The following AHCY variants were observed in gnomAD, a reference collection of about 807,000 sequenced individuals.
AHCY encodes the protein adenosylhomocysteinase.
A neutral mutation model predicts 45.4 loss-of-function variants in AHCY; 24 were observed. The ratio of observed to expected loss-of-function variants is 0.53; its 90% confidence interval spans 0.38 to 0.74. The LOEUF (loss-of-function observed/expected upper bound fraction) is 0.74, where lower values mean the gene tolerates loss of function less well. Ranked by LOEUF, AHCY falls within the 30% of genes least tolerant of loss-of-function variation. The pLI is 0.00. For synonymous variants in AHCY, 245 were observed against 235.1 expected (o/e 1.04, Z -0.39); for missense variants, 449 against 594.1 (o/e 0.76, Z 2.54).
the AHCY span, among the ~76,000 whole-genome samples, chr20:34,245,656 TG>T: frequency 6.6e-6 from 1 of 152,066 alleles, no homozygotes; most frequent in Non-Finnish European, 1.5e-5. Flanking sequence ...CCCAAAGTGC[TG>T]GGATTACAGG....
the AHCY span, chr20:34,260,616 C>T: frequency 7.1e-7 from 1 of 1,409,866 alleles, no homozygotes; most frequent in Non-Finnish European, 9.6e-7. Flanking sequence ...CTACCAGGAT[C>T]CACCGCCATG....
In AHCY at chr20:34,285,538, C is replaced by G. The variant is rs745484709; in HGVS notation, c.1069G>C (p.Val357Leu). ...LGCAMGHPSF[V>L]MSNSFTNQVM... ...TGGTTGGTGAAGGAGTTACTCATCA[C>G]GAAGCTGGGGTGGCCCATGGCACAA... The change falls in exon 9 of 10, where the codon GTG becomes CTG. Residue 357 changes from valine (V) to leucine (L), a missense_variant. By Grantham distance (32) the Val-to-Leu change is conservative (BLOSUM62 1). Coordinates refer to ENST00000217426, the MANE Select transcript of AHCY (RefSeq NM_000687.4). 6.2e-7 allele frequency: 1 copy of G among 1,614,186 alleles called. No individual in the cohort carries two copies. The highest frequency in any genetic ancestry group is 8.5e-7 in the Non-Finnish European group (1 of 1,180,016).
upstream of AHCY, among the ~76,000 whole-genome samples, chr20:34,304,212 G>A (rs2036866265): frequency 6.6e-6 from 1 of 152,056 alleles, no homozygotes; most frequent in Admixed American, 6.5e-5. Flanking sequence ...TTTTTTCTGT[G>A]AGCATTATAT....
chr20:34,295,670 C>T (rs2036557133), intron 1 of AHCY, 85 bp from the exon 2 acceptor site: 4 of 1,380,538 alleles, frequency 2.9e-6, no homozygotes, highest in Middle Eastern at 1.8e-4. Context: ...CCCCGATCCA[C>T]GTGTGGACTC....
At chr20:34,307,350 A>T (rs2036906166), upstream of AHCY, among the ~76,000 whole-genome samples, 1 of 150,892 alleles carries the variant, frequency 6.6e-6, no homozygotes, top group African/African-American at 2.4e-5. Flanking sequence ...TCAGCCTCCC[A>T]ACATGCTGAG....
downstream of AHCY, among the ~76,000 whole-genome samples, chr20:34,276,844 G>A (rs1467927602): frequency 6.6e-6 from 1 of 152,074 alleles, no homozygotes. Flanking sequence ...AAGCCCGCCC[G>A]GACCACTGCA....
At position 34,290,529 on chromosome 20, in the gene AHCY, G is replaced by A. The variant is rs1389162424; in HGVS notation, c.854+22C>T. On this transcript the variant is annotated intron_variant, in intron 7 of 9. Coordinates refer to ENST00000217426, the MANE Select transcript of AHCY (RefSeq NM_000687.4). This position sits in a 1 kb window ranked among gnomAD's most constrained non-coding sequence, Gnocchi z 4.5. ...CTCTGCCCTCCTCCCTCACTCCCCG[G>A]GACCCCCCATCTGGCACCTACCGGC... 1 of 1,613,846 alleles carries A rather than the reference G, an allele frequency of 6.2e-7. No individual in the cohort carries two copies. The highest frequency in any genetic ancestry group is 8.5e-7 in the Non-Finnish European group (1 of 1,179,926).
At chr20:34,262,877 A>G in the AHCY span, 1 of 1,614,002 alleles carries the variant, frequency 6.2e-7, no homozygotes, top group East Asian at 2.2e-5. Context: ...GCAGCAGAAA[A>G]GAAAAGATCT....
Position 34,280,907 on chromosome 20 carries a change from T to C in AHCY, c.*127A>G. On this transcript the variant is annotated 3_prime_UTR_variant, in exon 10 of 10. Transcript: ENST00000217426. ...GCAGCAGAGGCCAAAAACTAAGTGA[T>C]CAGCCCCAGAGAGTCGATGGGGGAC... 7.0e-7 allele frequency: 1 copy of C among 1,436,314 alleles called. No homozygotes were observed. The highest frequency in any genetic ancestry group is 1.2e-5 in the South Asian group (1 of 81,402). 89.0% of individuals were successfully genotyped at this position (1,436,314 alleles called of 1,614,324 possible). A position where few individuals can be genotyped will look rare whatever the true frequency, so the allele number is the denominator to read the frequency against.
At chr20:34,277,301 G>A (rs2035917067), downstream of AHCY, among the ~76,000 whole-genome samples, 1 of 152,040 alleles carries the variant, frequency 6.6e-6, no homozygotes, top group African/African-American at 2.4e-5. Context: ...AACTTCTCTG[G>A]GCCTCCGTTT....
chr20:34,251,678 C>T, the AHCY span, among the ~76,000 whole-genome samples: 9 of 152,178 alleles, frequency 5.9e-5, no homozygotes, highest in Admixed American at 5.9e-4. Context: ...CTCTCAGATT[C>T]AGATGTTGAA....
chr20:34,233,720 G>C, the AHCY span, among the ~76,000 whole-genome samples: 3 of 152,150 alleles, frequency 2.0e-5, no homozygotes, highest in Non-Finnish European at 2.9e-5. Flanking sequence ...AAAAAATGCA[G>C]TATTATCACC....
the AHCY span, among the ~76,000 whole-genome samples, chr20:34,232,177 T>A: frequency 6.6e-5 from 10 of 152,338 alleles, no homozygotes; most frequent in African/African-American, 2.4e-4. Context: ...TAAGTGAGCT[T>A]GCTTTTTAAC....
At position 34,303,327 on chromosome 20, in the gene AHCY, A is replaced by G. The variant is rs761596489; in HGVS notation, c.-57T>C. The G allele has an allele frequency of 6.4e-6, 10 of 1,550,914 alleles. No homozygotes were observed. Among genetic ancestry groups the G allele is most frequent in the African/African-American group, 2.7e-5 (2 of 73,064 alleles). ...GGGGGCTGGGCCTCAGTCTGGGAAC[A>G]GGAACTGGGCGGGCAGCGCCGAGCA... On this transcript the variant is annotated 5_prime_UTR_variant, in exon 1 of 10. Coordinates refer to ENST00000217426, the MANE Select transcript of AHCY (RefSeq NM_000687.4).
rs2035970731 is a variant in AHCY, at chr20:34,280,686, C to T, written c.*348G>A. The T allele has an allele frequency of 2.7e-6, 1 of 371,590 alleles. No individual in the cohort carries two copies. Among genetic ancestry groups the T allele is most frequent in the African/African-American group, 2.1e-5 (1 of 47,756 alleles). The allele number at this position is 371,590 out of a possible 1,614,324, so 23.0% of individuals were successfully genotyped here. On this transcript the variant is annotated 3_prime_UTR_variant, in exon 10 of 10. Coordinates refer to ENST00000217426, the MANE Select transcript of AHCY (RefSeq NM_000687.4). ...AGCACACAGGTATAAGTCCACAGAC[C>T]AGGTGAAGGCCTAGATGGCAAAACA...
the AHCY span, among the ~76,000 whole-genome samples, chr20:34,261,369 T>G: frequency 5.9e-5 from 9 of 152,240 alleles, no homozygotes; most frequent in East Asian, 1.7e-3. Context: ...GCACGTGGCA[T>G]GCACCTGTAA....
intron 1 of AHCY, among the ~76,000 whole-genome samples, chr20:34,310,765 C>T (rs563236436): frequency 6.6e-6 from 1 of 152,356 alleles, no homozygotes; most frequent in African/African-American, 2.4e-5. Context: ...AGTGCGATGG[C>T]CCAAGCCTGA....
At chr20:34,260,281 C>G in the AHCY span, 1 of 1,414,630 alleles carries the variant, frequency 7.1e-7, no homozygotes, top group South Asian at 1.4e-5. Context: ...ACAACACCAG[C>G]CCAAAGAAGC....
intron 1 of AHCY, among the ~76,000 whole-genome samples, chr20:34,297,804 C>G (rs946887313): frequency 7.2e-5 from 11 of 152,124 alleles, no homozygotes; most frequent in African/African-American, 2.7e-4. Context: ...TCACCTATAG[C>G]AGTCATCTAC....
Sources: allele counts gnomAD v4.1 joint callset (sites outside exome capture counted in the v4.1 genomes callset), GRCh38; gene constraint gnomAD v4.1.1; non-coding constraint Gnocchi (gnomAD v3.1); transcripts MANE v1.5; gene names NCBI Gene and HGNC (gene_info 2026-07-23, HGNC 2026-07-21).